RUSC2: variants seen among roughly 807,000 people sequenced by gnomAD.
RUSC2 encodes the protein RUN and SH3 domain containing 2.
In RUSC2, 34 loss-of-function variants were observed where a neutral mutation model predicts 122.2. That is an observed-to-expected ratio of 0.28 (90% CI 0.21 to 0.37). RUSC2 has a LOEUF of 0.37. Among genes scored for constraint, RUSC2 ranks in the 10% least tolerant of loss-of-function variants. RUSC2 has a pLI of 1.00. For synonymous variants in RUSC2, 784 were observed against 790.0 expected, an observed-to-expected ratio of 0.99 and a Z score of 0.13; for missense variants, 1,747 against 1,952.4, an observed-to-expected ratio of 0.89 and a Z score of 1.98.
At position 35,546,046 on chromosome 9, in the gene RUSC2, G is replaced by T. The variant is rs1821738709; in HGVS notation, c.-92-384G>T. On this transcript the variant is annotated intron_variant, in intron 1 of 11. Transcript: ENST00000361226. The surrounding 1 kb of genome is among the most constrained non-coding windows in gnomAD (Gnocchi z 4.3). The stretch of plus-strand genomic sequence containing the variant: ...GTCTAAGCCTTAAACATCCTAGATG[G>T]TTTTTTCTTAATTGTGTCATTATTC... Among the ~76,000 whole-genome samples the T allele has an allele frequency of 1.3e-5, 2 of 152,082 alleles. No homozygotes were observed. The highest frequency in any genetic ancestry group is 2.1e-4 in the South Asian group (1 of 4,828).
At chr9:35,495,589 A>G (rs760416702) in intron 1 of RUSC2, among the ~76,000 whole-genome samples, 19 of 152,076 alleles carry the variant, frequency 1.2e-4, no homozygotes, top group Non-Finnish European at 2.2e-4. Flanking sequence ...GTAAGTTTGG[A>G]AAATCAAGAA....
In RUSC2 at chr9:35,560,672, G is replaced by C; in HGVS notation, c.4032G>C (p.Trp1344Cys). ...ALGRERGWPF[W>C]MGSPPDSVLA... ...GCCGGGAAAGGGGCTGGCCCTTCTG[G>C]ATGGGGAGCCCCCCTGACTCTGTGC... The change falls in exon 10 of 12, where the codon TGG becomes TGC. Residue 1344 changes from tryptophan to cysteine, a missense_variant. Transcript: ENST00000361226. 6.3e-7 allele frequency: 1 copy of C among 1,578,658 alleles called. No homozygotes were observed. The highest frequency in any genetic ancestry group is 1.1e-5 in the South Asian group (1 of 87,806).
rs138848141 is a variant in RUSC2 at position 35,532,267 on chromosome 9, G to A, written c.-92-14163G>A. Among the ~76,000 whole-genome samples, 992 of 152,326 alleles carry A rather than the reference G, an allele frequency of 6.5e-3. 10 individuals carry two copies. Among genetic ancestry groups the A allele is most frequent in the African/African-American group, 0.022 (917 of 41,578 alleles). On this transcript the variant is annotated intron_variant, in intron 1 of 11. Coordinates refer to ENST00000361226, the MANE Select transcript of RUSC2 (RefSeq NM_014806.5). ...TGGAGATTTGATTCTGGAAGTTCAG[G>A]AAGAATGTAAGATTTGGAAATCAAC...
rs369422512 is a variant in RUSC2 at position 35,561,362 on chromosome 9, C to G, written c.4531C>G (p.Pro1511Ala). Reference sequence around the variant, plus strand: ...ATTGACCCCAACTCCAAGTCCAACCCCTGGAAGCAGCCAAAACTGAGGCCC... The same window carrying G: ...ATTGACCCCAACTCCAAGTCCAACCGCTGGAAGCAGCCAAAACTGAGGCCC... ...VTLTPTPSPTPGSSQN is the reference protein window; with the variant it reads ...VTLTPTPSPTAGSSQN Residue 1511 changes from proline to alanine, a missense_variant, in exon 12 of 12, where the codon CCT becomes GCT. By Grantham distance (27) the Pro-to-Ala change is conservative (BLOSUM62 -1). Coordinates refer to ENST00000361226, the MANE Select transcript of RUSC2 (RefSeq NM_014806.5). 4.3e-6 allele frequency: 7 copies of G among 1,612,768 alleles called. No homozygotes were observed. The highest frequency in any genetic ancestry group is 5.9e-6 in the Non-Finnish European group (7 of 1,179,384).
In RUSC2 at chr9:35,546,139, GA is replaced by G. The variant is rs1821740782; in HGVS notation, c.-92-288del. Among the ~76,000 whole-genome samples, 1 of 152,158 alleles carries G rather than the reference GA, an allele frequency of 6.6e-6. No individual in the cohort carries two copies. Among genetic ancestry groups the G allele is most frequent in the African/African-American group, 2.4e-5 (1 of 41,446 alleles). Reference sequence around the variant, plus strand: ...GGAGAGGGTCCTTGAAAGAGAAAGGGAAAGTACTGCCCAAACCTTCATATGT... The same window carrying G: ...GGAGAGGGTCCTTGAAAGAGAAAGGGAAGTACTGCCCAAACCTTCATATGT... On this transcript the variant is annotated intron_variant, in intron 1 of 11. Coordinates refer to ENST00000361226, the MANE Select transcript of RUSC2 (RefSeq NM_014806.5). This position sits in a 1 kb window ranked among gnomAD's most constrained non-coding sequence, Gnocchi z 4.3.
chr9:35,491,172 A>G (rs914717792), intron 1 of RUSC2, among the ~76,000 whole-genome samples: 1 of 151,684 alleles, frequency 6.6e-6, no homozygotes, highest in Admixed American at 6.6e-5. Context: ...TAGGTGGGTG[A>G]CCTGAGCAGA....
chr9:35,538,716 C>G (rs1821578105), intron 1 of RUSC2: 1 of 152,408 alleles, frequency 6.6e-6, no homozygotes, highest in African/African-American at 2.4e-5. Context: ...AGTGCTCCAT[C>G]TTCCAGCACT....
intron 1 of RUSC2, among the ~76,000 whole-genome samples, chr9:35,542,566 A>G (rs1821661525): frequency 6.6e-6 from 1 of 152,242 alleles, no homozygotes; most frequent in Non-Finnish European, 1.5e-5. Flanking sequence ...ATAAATGTTA[A>G]AACTCCTATA....
At chr9:35,538,430 C>A (rs978718247) in intron 1 of RUSC2, among the ~76,000 whole-genome samples, 2 of 152,212 alleles carry the variant, frequency 1.3e-5, no homozygotes, top group Non-Finnish European at 2.9e-5. Flanking sequence ...TCCCTGCAGC[C>A]TCCCTTCTGG....
intron 1 of RUSC2, among the ~76,000 whole-genome samples, chr9:35,491,551 C>G (rs977293730): frequency 6.6e-6 from 1 of 152,166 alleles, no homozygotes; most frequent in African/African-American, 2.4e-5. Flanking sequence ...TTTTTGAAGC[C>G]ACAGTTGCCT....
At chr9:35,520,372 A>G (rs1306852409) in intron 1 of RUSC2, among the ~76,000 whole-genome samples, 3 of 152,226 alleles carry the variant, frequency 2.0e-5, no homozygotes, top group Non-Finnish European at 2.9e-5. Context: ...TTGAATAAAA[A>G]GATTCCTTGA....
At chr9:35,516,115 C>T (rs1821102172) in intron 1 of RUSC2, among the ~76,000 whole-genome samples, 1 of 149,952 alleles carries the variant, frequency 6.7e-6, no homozygotes, top group Admixed American at 6.7e-5. Flanking sequence ...TACTCTTTAG[C>T]AATAAGTCAT....
At chr9:35,499,746 T>C (rs1820788163) in intron 1 of RUSC2, among the ~76,000 whole-genome samples, 1 of 152,214 alleles carries the variant, frequency 6.6e-6, no homozygotes, top group Non-Finnish European at 1.5e-5. Context: ...ACCCTTGTAT[T>C]TAGTGTACTT....
intron 1 of RUSC2, among the ~76,000 whole-genome samples, chr9:35,495,650 A>G (rs1172398931): frequency 6.6e-6 from 1 of 152,126 alleles, no homozygotes; most frequent in African/African-American, 2.4e-5. Flanking sequence ...TTGGTTGTTC[A>G]GGATCCCTTA....
rs1026401834 is a variant in RUSC2 at position 35,555,612 on chromosome 9, C to T, written c.2567C>T (p.Pro856Leu). 6.2e-7 allele frequency: 1 copy of T among 1,613,250 alleles called. No homozygotes were observed. The highest frequency in any genetic ancestry group is 8.5e-7 in the Non-Finnish European group (1 of 1,180,014). ...YRLHGTGSLPPLGSWRSGLSR... is the reference protein window; with the variant it reads ...YRLHGTGSLPLLGSWRSGLSR... ...CTCCATGGAACAGGAAGCTTGCCGC[C>T]TCTGGGCTCCTGGCGATCTGGCCTC... Residue 856 changes from proline to leucine, a missense_variant, in exon 3 of 12, where the codon CCT (proline) becomes CTT (leucine). Physicochemically the swap from Pro to Leu is moderately conservative, Grantham distance 98. Coordinates refer to ENST00000361226, the MANE Select transcript of RUSC2 (RefSeq NM_014806.5). The surrounding 1 kb of genome is among the most constrained non-coding windows in gnomAD (Gnocchi z 4.6).
intron 1 of RUSC2, among the ~76,000 whole-genome samples, chr9:35,493,663 C>T (rs113014710): frequency 1.0e-3 from 153 of 152,074 alleles, no homozygotes; most frequent in African/African-American, 3.2e-3. Flanking sequence ...CCACCACGCC[C>T]GGCTAATTTT....
chr9:35,497,270 AC>A (rs1383315929), intron 1 of RUSC2, among the ~76,000 whole-genome samples: 3 of 152,202 alleles, frequency 2.0e-5, no homozygotes, highest in African/African-American at 7.2e-5. Context: ...TGCAGCCATC[AC>A]TGAGAAGCAA....
At chr9:35,517,371 T>G (rs1337109469) in intron 1 of RUSC2, among the ~76,000 whole-genome samples, 1 of 152,214 alleles carries the variant, frequency 6.6e-6, no homozygotes, top group East Asian at 1.9e-4. Flanking sequence ...AGTATCGCCT[T>G]TGTTCTGACT....
Position 35,547,319 on chromosome 9 carries a change from G to C in RUSC2, c.798G>C (p.Met266Ile), listed in dbSNP as rs1338536613. ...AGTCCGAGGCAGCTGACCAGTCCAT[G>C]GGCTATGTGAGCGACTCCTCCTGCA... The part of the protein sequence containing the change: ...SSQSEAADQS[M>I]GYVSDSSCNS... The change falls in exon 2 of 12, where the codon ATG becomes ATC. Residue 266 changes from methionine to isoleucine, a missense_variant. Transcript: ENST00000361226. This position sits in a 1 kb window ranked among gnomAD's most constrained non-coding sequence, Gnocchi z 4.6. 1 of 1,614,046 alleles carries C rather than the reference G, an allele frequency of 6.2e-7. No homozygotes were observed. The highest frequency in any genetic ancestry group is 8.5e-7 in the Non-Finnish European group (1 of 1,180,030).
Sources: allele counts gnomAD v4.1 joint callset (sites outside exome capture counted in the v4.1 genomes callset), GRCh38; gene constraint gnomAD v4.1.1; non-coding constraint Gnocchi (gnomAD v3.1); transcripts MANE v1.5; gene names NCBI Gene and HGNC (gene_info 2026-07-23, HGNC 2026-07-21).